Variants in VPS37A observed in about 807,000 individuals in gnomAD.
VPS37A encodes the protein vacuolar protein sorting-associated protein 37A.
In VPS37A, 30 loss-of-function variants were observed where a neutral mutation model predicts 49.8. That is an observed-to-expected ratio of 0.60 (90% CI 0.45 to 0.82). The LOEUF (loss-of-function observed/expected upper bound fraction) is 0.82, where lower values mean the gene tolerates loss of function less well. Ranked by LOEUF, VPS37A falls within the 40% of genes least tolerant of loss-of-function variation. The probability of loss-of-function intolerance (pLI) is 0.00; values close to 1 mark genes in which losing one functional copy is unlikely to be tolerated. For synonymous variants in VPS37A, 195 were observed against 160.6 expected (o/e 1.21, Z -1.62); for missense variants, 593 against 464.4 (o/e 1.28, Z -2.55).
In VPS37A at chr8:17,274,748, A is replaced by G. The variant is rs1814346508; in HGVS notation, c.432A>G (p.Pro144=). ...TTCTTTTCAGTCTATACAGTAACCC[A>G]AGTGGGATGTCTCCTTATGCTTCTC... ...STAFPYLYSN[P]SGMSPYASQG... is the part of the protein sequence containing the mutation. The change falls in exon 5 of 12, where the codon CCA becomes CCG. Residue 144 remains proline (P), a synonymous_variant. Coordinates refer to ENST00000324849, the MANE Select transcript of VPS37A (RefSeq NM_152415.3). 1 of 1,613,866 alleles carries G rather than the reference A, an allele frequency of 6.2e-7. No homozygotes were observed. The highest frequency in any genetic ancestry group is 8.5e-7 in the Non-Finnish European group (1 of 1,179,856).
intron 2 of VPS37A, among the ~76,000 whole-genome samples, chr8:17,267,362 T>G (rs915975025): frequency 6.6e-6 from 1 of 152,204 alleles, no homozygotes; most frequent in Non-Finnish European, 1.5e-5. Flanking sequence ...TTCTTGAGTT[T>G]TAGAGATTTG....
chr8:17,305,752 C>T (rs751897350), downstream of VPS37A: 2 of 1,602,436 alleles, frequency 1.2e-6, no homozygotes, highest in South Asian at 2.2e-5. Flanking sequence ...CACCAAAACA[C>T]TTACTTGAGT....
At chr8:17,285,290 T>C (rs1325102115) in intron 10 of VPS37A, among the ~76,000 whole-genome samples, 1 of 152,210 alleles carries the variant, frequency 6.6e-6, no homozygotes, top group East Asian at 1.9e-4. Flanking sequence ...GTAATACAGC[T>C]GATAAATCTA....
intron 1 of VPS37A, among the ~76,000 whole-genome samples, chr8:17,250,115 G>A (rs558965575): frequency 6.6e-6 from 1 of 152,282 alleles, no homozygotes; most frequent in Non-Finnish European, 1.5e-5. Context: ...AGGGAAGAAG[G>A]GTTGTAGTTT....
intron 1 of VPS37A, chr8:17,248,020 C>T (rs1471834695): frequency 1.6e-5 from 8 of 506,250 alleles, no homozygotes; most frequent in South Asian, 1.3e-4. Flanking sequence ...GTTCTGTTGT[C>T]TTCCTGTGAG....
chr8:17,267,734 C>G (rs1813602112), intron 2 of VPS37A, among the ~76,000 whole-genome samples: 1 of 152,094 alleles, frequency 6.6e-6, no homozygotes, highest in African/African-American at 2.4e-5. Flanking sequence ...ACTGTGTTGC[C>G]CAGGCTGGAC....
At position 17,257,380 on chromosome 8, in the gene VPS37A, C is replaced by T. The variant is rs192649952; in HGVS notation, c.126-8527C>T. 2.6e-5 allele frequency among the ~76,000 whole-genome samples: 4 copies of T among 152,234 alleles called. No homozygotes were observed. The East Asian group carries it at 7.7e-4, about 29-fold the overall frequency. On this transcript the variant is annotated intron_variant, in intron 1 of 11. Transcript: ENST00000324849. ...TGCCTCCAACCTTGTTCTTTTTGCT[C>T]AGAGTTGCTTCAGCTATTCAGGGTC... is the stretch of plus-strand genomic sequence containing the variant.
downstream of VPS37A, chr8:17,298,281 T>C (rs1167600380): frequency 6.6e-6 from 1 of 152,098 alleles, no homozygotes; most frequent in East Asian, 1.9e-4. Context: ...TTCCTTGTAC[T>C]TAATTTGGGA....
the VPS37A span, among the ~76,000 whole-genome samples, chr8:17,307,672 G>C: frequency 1.3e-5 from 2 of 152,208 alleles, no homozygotes; most frequent in Non-Finnish European, 2.9e-5. Flanking sequence ...TTAAGAAAAT[G>C]TGGCACATAT....
the VPS37A span, among the ~76,000 whole-genome samples, chr8:17,317,985 C>T: frequency 2.0e-5 from 3 of 151,898 alleles, no homozygotes; most frequent in Admixed American, 6.6e-5. Context: ...TTGTGTTTAA[C>T]TGGAACAGAA....
downstream of VPS37A, chr8:17,304,614 TA>T: frequency 7.3e-7 from 1 of 1,365,806 alleles, no homozygotes; most frequent in Non-Finnish European, 1.0e-6. Flanking sequence ...TAATAATTGT[TA>T]CCTGAAAACC....
chr8:17,295,121 C>A lies in VPS37A; in HGVS notation c.*135C>A, dbSNP rs1049018353. On this transcript the variant is annotated 3_prime_UTR_variant, in exon 12 of 12. Transcript: ENST00000324849. ...TATCCTATATAGATTGTATACAGAA[C>A]TGAGACTGATTTTGTACCGATTAGA... 1 of 152,608 alleles carries A rather than the reference C, an allele frequency of 6.6e-6. No individual in the cohort carries two copies. Among genetic ancestry groups the A allele is most frequent in the African/African-American group, 2.4e-5 (1 of 41,444 alleles). The allele number at this position is 152,608 out of a possible 1,614,324, so 9.5% of individuals were successfully genotyped here.
downstream of VPS37A, chr8:17,300,419 G>T: frequency 1.7e-6 from 1 of 593,564 alleles, no homozygotes. Flanking sequence ...TCTAATGTAA[G>T]GATAATACCT....
rs74413755 is a variant in VPS37A at position 17,281,320 on chromosome 8, C to G, written c.969+877C>G. 2.7e-3 allele frequency among the ~76,000 whole-genome samples: 410 copies of G among 152,038 alleles called. 5 individuals are homozygous for G. In the East Asian group the frequency reaches 0.033, roughly 12 times the overall value. Reference sequence around the variant, plus strand: ...GGAGATTAAATAAATTTCTTGAGGTCATACAAGTAGAAACATTAGTTAGGA... The same window carrying G: ...GGAGATTAAATAAATTTCTTGAGGTGATACAAGTAGAAACATTAGTTAGGA... On this transcript the variant is annotated intron_variant, in intron 9 of 11. Transcript: ENST00000324849.
chr8:17,299,700 T>A (rs781400110), downstream of VPS37A: 17 of 908,602 alleles, frequency 1.9e-5, no homozygotes, highest in Non-Finnish European at 2.8e-5. Context: ...CTTCAGTATC[T>A]AAGAAATCAA....
chr8:17,291,559 G>T (rs1190271816), intron 11 of VPS37A, among the ~76,000 whole-genome samples: 1 of 149,538 alleles, frequency 6.7e-6, no homozygotes, highest in Non-Finnish European at 1.5e-5. Flanking sequence ...TCTTTTAATT[G>T]TGATGTTAGG....
downstream of VPS37A, among the ~76,000 whole-genome samples, chr8:17,305,368 A>G (rs1209969288): frequency 6.6e-6 from 1 of 152,224 alleles, no homozygotes; most frequent in East Asian, 1.9e-4. Context: ...TAATCTGAAT[A>G]AATTCTGGCT....
At chr8:17,251,020 A>G (rs140251111) in intron 1 of VPS37A, among the ~76,000 whole-genome samples, 479 of 152,264 alleles carry the variant, frequency 3.1e-3, no homozygotes, top group Non-Finnish European at 5.5e-3. Context: ...AGTAGAACTA[A>G]TTCTGTTTCT....
At chr8:17,255,087 A>G (rs945948511) in intron 1 of VPS37A, among the ~76,000 whole-genome samples, 5 of 152,214 alleles carry the variant, frequency 3.3e-5, no homozygotes, top group Non-Finnish European at 7.3e-5. Flanking sequence ...TCATCTCTGT[A>G]TTTCCATTTC....
Sources: allele counts gnomAD v4.1 joint callset (sites outside exome capture counted in the v4.1 genomes callset), GRCh38; gene constraint gnomAD v4.1.1; transcripts MANE v1.5; gene names NCBI Gene and HGNC (gene_info 2026-07-23, HGNC 2026-07-21).